The following PARD3 variants were observed in gnomAD, a reference collection of about 807,000 sequenced individuals.
The protein encoded by PARD3 is partitioning defective 3 homolog.
Under a neutral mutation model 155.4 loss-of-function variants are expected in PARD3, and 75 were observed. That is an observed-to-expected ratio of 0.48 (90% CI 0.40 to 0.58). The LOEUF is 0.58. PARD3 is among the 20% of genes least tolerant of loss of function. The pLI is 0.00. For synonymous variants in PARD3, 576 were observed against 610.5 expected (o/e 0.94, Z 0.83); for missense variants, 1,642 against 1,721.7 (o/e 0.95, Z 0.82).
chr10:34,756,091 C>T (rs1044307763), intron 1 of PARD3, among the ~76,000 whole-genome samples: 3 of 150,350 alleles, frequency 2.0e-5, no homozygotes, highest in Admixed American at 1.3e-4. Flanking sequence ...AATCACTGTA[C>T]AGGTTGGCAG....
At chr10:34,438,008 A>G (rs554501716) in intron 5 of PARD3, among the ~76,000 whole-genome samples, 1 of 152,200 alleles carries the variant, frequency 6.6e-6, no homozygotes, top group Non-Finnish European at 1.5e-5. Context: ...TAAGTAGCTC[A>G]TAGCAGCTCT....
chr10:34,624,554 G>A lies in PARD3; in HGVS notation c.222+71764C>T, dbSNP rs12242721. ...GTCACAGATCCTTGGTGCACTCAGC[G>A]GCTGATGTAGCCAGTAAGACCCAAT... On this transcript the variant is annotated intron_variant, in intron 2 of 24. Transcript: ENST00000374788. Among the ~76,000 whole-genome samples, 1,404 of 152,284 alleles carry A rather than the reference G, an allele frequency of 9.2e-3. 14 individuals carry two copies. Among genetic ancestry groups the A allele is most frequent in the African/African-American group, 0.032 (1,332 of 41,550 alleles).
chr10:34,742,356 C>T (rs530235319), intron 1 of PARD3, among the ~76,000 whole-genome samples: 4 of 152,292 alleles, frequency 2.6e-5, no homozygotes, highest in Admixed American at 6.5e-5. Flanking sequence ...AGAGATTGTT[C>T]AGCTAGAGAT....
chr10:34,284,590 A>C (rs1956299912), intron 20 of PARD3, among the ~76,000 whole-genome samples: 1 of 152,208 alleles, frequency 6.6e-6, no homozygotes, highest in Admixed American at 6.5e-5. Context: ...TAGAGGAAGA[A>C]AGATCTGCAT....
intron 2 of PARD3, among the ~76,000 whole-genome samples, chr10:34,554,516 A>G (rs971599992): frequency 7.2e-5 from 11 of 152,332 alleles, no homozygotes; most frequent in African/African-American, 2.4e-4. Flanking sequence ...TGTCTAGCAC[A>G]TGGTTTTAAT....
chr10:34,329,275 G>C (rs1015607870), intron 19 of PARD3, among the ~76,000 whole-genome samples: 1 of 152,112 alleles, frequency 6.6e-6, no homozygotes, highest in East Asian at 1.9e-4. Flanking sequence ...AGAGCAAACT[G>C]CATTTTTTAA....
intron 22 of PARD3, among the ~76,000 whole-genome samples, chr10:34,241,719 T>C (rs1207796368): frequency 1.3e-5 from 2 of 151,994 alleles, no homozygotes; most frequent in African/African-American, 4.8e-5. Context: ...CTTGAGCCTG[T>C]GGGAGTAATA....
chr10:34,264,442 G>A (rs560509719), intron 22 of PARD3, among the ~76,000 whole-genome samples: 20 of 152,308 alleles, frequency 1.3e-4, no homozygotes, highest in African/African-American at 4.3e-4. Context: ...AAACCTGATT[G>A]CAGGTAACTT....
At chr10:34,235,358 G>A (rs1953161525) in intron 22 of PARD3, among the ~76,000 whole-genome samples, 1 of 152,300 alleles carries the variant, frequency 6.6e-6, no homozygotes, top group African/African-American at 2.4e-5. Flanking sequence ...ACAATGACTT[G>A]GGTGAGAATC....
At chr10:34,474,222 T>C (rs1171680931) in intron 3 of PARD3, among the ~76,000 whole-genome samples, 1 of 152,202 alleles carries the variant, frequency 6.6e-6, no homozygotes, top group Non-Finnish European at 1.5e-5. Context: ...CATAATGATG[T>C]TGAAATCAAG....
At chr10:34,597,639 C>T (rs1017987840) in intron 2 of PARD3, among the ~76,000 whole-genome samples, 1 of 152,116 alleles carries the variant, frequency 6.6e-6, no homozygotes, top group Admixed American at 6.5e-5. Context: ...ATATTGAAAA[C>T]ATTGTTTCCA....
At chr10:34,525,746 T>C (rs975527836) in intron 2 of PARD3, among the ~76,000 whole-genome samples, 1 of 152,068 alleles carries the variant, frequency 6.6e-6, no homozygotes, top group African/African-American at 2.4e-5. Context: ...ATTTTTTTTT[T>C]CTAAGAGGCG....
intron 3 of PARD3, among the ~76,000 whole-genome samples, chr10:34,513,036 C>T (rs1357703097): frequency 1.3e-5 from 2 of 152,068 alleles, no homozygotes; most frequent in Non-Finnish European, 2.9e-5. Flanking sequence ...TATGTTTAGG[C>T]TACCAAAAAA....
At chr10:34,254,537 CGT>C (rs55901749) in intron 22 of PARD3, among the ~76,000 whole-genome samples, 1,583 of 145,518 alleles carry the variant, frequency 0.011, 15 homozygotes, top group East Asian at 0.042. Context: ...GGTAGGTAAA[CGT>C]GTGTGTGTGT....
chr10:34,585,102 G>T (rs924542386), intron 2 of PARD3, among the ~76,000 whole-genome samples: 3 of 152,020 alleles, frequency 2.0e-5, no homozygotes, highest in Non-Finnish European at 4.4e-5. Flanking sequence ...TAAAAGAAAA[G>T]ATACACATTA....
At chr10:34,671,690 T>A (rs1188710873) in intron 2 of PARD3, among the ~76,000 whole-genome samples, 4 of 152,198 alleles carry the variant, frequency 2.6e-5, no homozygotes, top group Non-Finnish European at 5.9e-5. Flanking sequence ...ATTATATGTA[T>A]TTCCACATCA....
intron 1 of PARD3, among the ~76,000 whole-genome samples, chr10:34,703,727 A>G (rs1274867069): frequency 6.6e-6 from 1 of 152,038 alleles, no homozygotes; most frequent in Non-Finnish European, 1.5e-5. Flanking sequence ...TGGTGGGGGG[A>G]AGGGAAGGAG....
chr10:34,614,258 A>G (rs2091105298), intron 2 of PARD3, among the ~76,000 whole-genome samples: 1 of 152,252 alleles, frequency 6.6e-6, no homozygotes, highest in Admixed American at 6.5e-5. Context: ...AGGAAGGACC[A>G]GGAACCTGGG....
chr10:34,342,448 TGC>T (rs1246328668), intron 15 of PARD3, among the ~76,000 whole-genome samples: 2 of 152,220 alleles, frequency 1.3e-5, no homozygotes, highest in East Asian at 3.9e-4. Context: ...TGATCTTTTC[TGC>T]CAGAAGAAAT....
Sources: gnomAD v4.1 joint callset for allele counts (sites outside exome capture counted in the v4.1 genomes callset) on GRCh38, gnomAD v4.1.1 for gene constraint, MANE v1.5 for transcripts, NCBI Gene and HGNC (gene_info 2026-07-23, HGNC 2026-07-21) for gene names.